The following AHCYL2 variants were observed in gnomAD, a reference collection of about 807,000 sequenced individuals.
The protein encoded by AHCYL2 is S-adenosylhomocysteine hydrolase-like protein 2.
Under a neutral mutation model 81.4 loss-of-function variants are expected in AHCYL2, and 28 were observed. That is an observed-to-expected ratio of 0.34 (90% CI 0.25 to 0.47). The LOEUF (loss-of-function observed/expected upper bound fraction) is 0.47. Ranked by LOEUF, AHCYL2 falls within the 20% of genes least tolerant of loss-of-function variation. The probability of loss-of-function intolerance (pLI) is 1.00; values close to 1 mark genes in which losing one functional copy is unlikely to be tolerated. For synonymous variants in AHCYL2, 272 were observed against 290.2 expected (o/e 0.94, Z 0.64); for missense variants, 551 against 785.1 (o/e 0.70, Z 3.56).
intron 1 of AHCYL2, among the ~76,000 whole-genome samples, chr7:129,230,850 C>T (rs544339164): frequency 1.9e-4 from 29 of 151,758 alleles, no homozygotes; most frequent in Non-Finnish European, 2.9e-4. Context: ...GGATTACAGG[C>T]GTCAGCCACC....
chr7:129,327,290 C>T (rs1369703349), intron 1 of AHCYL2, among the ~76,000 whole-genome samples: 7 of 152,130 alleles, frequency 4.6e-5, no homozygotes, highest in Admixed American at 3.3e-4. Context: ...AAAACAATGG[C>T]TAGTTGTCTG....
chr7:129,251,316 GA>G (rs1795241489), intron 1 of AHCYL2, among the ~76,000 whole-genome samples: 1 of 85,486 alleles, frequency 1.2e-5, no homozygotes, highest in African/African-American at 4.0e-5. Flanking sequence ...AGATAGTAAA[GA>G]TTTTTTTTTT....
intron 1 of AHCYL2, among the ~76,000 whole-genome samples, chr7:129,369,693 C>T (rs981736742): frequency 2.0e-5 from 3 of 151,724 alleles, no homozygotes; most frequent in Non-Finnish European, 4.4e-5. Context: ...GCTGGGATTA[C>T]AGGTGTGCAC....
chr7:129,277,252 A>G (rs1314537442), intron 1 of AHCYL2, among the ~76,000 whole-genome samples: 1 of 151,006 alleles, frequency 6.6e-6, no homozygotes, highest in African/African-American at 2.4e-5. Flanking sequence ...GATAAAGAAC[A>G]TATTTATTAC....
At chr7:129,320,652 C>T (rs1797982235) in intron 1 of AHCYL2, among the ~76,000 whole-genome samples, 1 of 152,110 alleles carries the variant, frequency 6.6e-6, no homozygotes, top group Non-Finnish European at 1.5e-5. Flanking sequence ...AAATAATATG[C>T]CATAAAATCT....
chr7:129,359,899 G>A (rs1300377418), intron 1 of AHCYL2, among the ~76,000 whole-genome samples: 3 of 152,168 alleles, frequency 2.0e-5, no homozygotes, highest in Non-Finnish European at 4.4e-5. Context: ...TTACTTAATT[G>A]TTTATTTGAG....
intron 4 of AHCYL2, among the ~76,000 whole-genome samples, chr7:129,390,383 C>T (rs1181156743): frequency 6.6e-6 from 1 of 152,112 alleles, no homozygotes; most frequent in Non-Finnish European, 1.5e-5. Context: ...ATTTTGGTAT[C>T]CATGGGAGTG....
chr7:129,349,559 G>A lies in AHCYL2; in HGVS notation c.364-30079G>A, dbSNP rs896207749. On this transcript the variant is annotated intron_variant, in intron 1 of 16. Transcript: ENST00000325006. ...GCTACTCAGGAGGCTGAGTGAGGCA[G>A]GAGAATTGCTTGAACCCGGGAAGCG... is the stretch of plus-strand genomic sequence containing the variant. 2.7e-5 allele frequency among the ~76,000 whole-genome samples: 4 copies of A among 150,438 alleles called. No individual in the cohort carries two copies. In the East Asian group the frequency reaches 7.8e-4, roughly 29 times the overall value.
At chr7:129,230,317 C>T (rs1371734684) in intron 1 of AHCYL2, among the ~76,000 whole-genome samples, 1 of 151,648 alleles carries the variant, frequency 6.6e-6, no homozygotes, top group Non-Finnish European at 1.5e-5. Context: ...CTTCTGACCT[C>T]GTGATCCACC....
intron 7 of AHCYL2, 65 bp downstream of exon 7, chr7:129,403,550 C>A: frequency 3.5e-6 from 4 of 1,153,088 alleles, no homozygotes; most frequent in Non-Finnish European, 3.6e-6. Context: ...TAAACACATA[C>A]CTATAAAACA....
chr7:129,371,364 C>T (rs1794401904), intron 1 of AHCYL2, among the ~76,000 whole-genome samples: 2 of 152,190 alleles, frequency 1.3e-5, no homozygotes, highest in African/African-American at 4.8e-5. Flanking sequence ...ATAGGACTCA[C>T]ACCACATATA....
intron 1 of AHCYL2, among the ~76,000 whole-genome samples, chr7:129,319,753 A>C (rs1274026648): frequency 6.6e-6 from 1 of 152,244 alleles, no homozygotes; most frequent in Non-Finnish European, 1.5e-5. Flanking sequence ...AGCACGTATC[A>C]ATAGTTCATT....
chr7:129,250,594 A>C (rs1047088980), intron 1 of AHCYL2, among the ~76,000 whole-genome samples: 38 of 152,320 alleles, frequency 2.5e-4, no homozygotes, highest in African/African-American at 8.9e-4. Flanking sequence ...AACAGTGGAC[A>C]TGTTTGCCTT....
chr7:129,378,943 A>G (rs1033367048), intron 1 of AHCYL2, among the ~76,000 whole-genome samples: 1 of 152,108 alleles, frequency 6.6e-6, no homozygotes, highest in Non-Finnish European at 1.5e-5. Context: ...CCCATTCTCT[A>G]TTTGTGGGGA....
chr7:129,379,231 G>A (rs2150883872), intron 1 of AHCYL2, among the ~76,000 whole-genome samples: 1 of 149,864 alleles, frequency 6.7e-6, no homozygotes, highest in South Asian at 2.1e-4. Flanking sequence ...AGTGAGCCGA[G>A]ATCGTGCCAC....
At chr7:129,279,558 A>T (rs1796354438) in intron 1 of AHCYL2, among the ~76,000 whole-genome samples, 1 of 152,242 alleles carries the variant, frequency 6.6e-6, no homozygotes, top group African/African-American at 2.4e-5. Context: ...TCATGCAAGA[A>T]AGAATTTGTG....
At chr7:129,246,771 A>G (rs943203783) in intron 1 of AHCYL2, among the ~76,000 whole-genome samples, 7 of 152,182 alleles carry the variant, frequency 4.6e-5, no homozygotes, top group Admixed American at 2.0e-4. Context: ...TGCTGGGACT[A>G]TAGTTGTGAG....
Position 129,270,378 on chromosome 7 carries a change from T to C in AHCYL2, c.363+44939T>C, listed in dbSNP as rs1478053400. ...CTTAGTGCAAATAACCTTGGACCTATGGGTCCTGTCCATGATAAAAGGCAG... is the reference window on the plus strand; with the variant it reads ...CTTAGTGCAAATAACCTTGGACCTACGGGTCCTGTCCATGATAAAAGGCAG... On this transcript the variant is annotated intron_variant, in intron 1 of 16. Coordinates refer to ENST00000325006, the MANE Select transcript of AHCYL2 (RefSeq NM_015328.4). Among the ~76,000 whole-genome samples, 3 of 152,224 alleles carry C rather than the reference T, an allele frequency of 2.0e-5. No individual in the cohort carries two copies. The South Asian group carries it at 6.2e-4, about 31-fold the overall frequency.
intron 1 of AHCYL2, among the ~76,000 whole-genome samples, chr7:129,337,601 G>A (rs1335114215): frequency 1.3e-5 from 2 of 151,922 alleles, no homozygotes; most frequent in African/African-American, 4.8e-5. Flanking sequence ...GTTTCATCAC[G>A]TTGGCCAGGC....
Sources: gnomAD v4.1 joint callset for allele counts (sites outside exome capture counted in the v4.1 genomes callset) on GRCh38, gnomAD v4.1.1 for gene constraint, MANE v1.5 for transcripts, NCBI Gene and HGNC (gene_info 2026-07-23, HGNC 2026-07-21) for gene names.